The following LRRC1 variants were observed in gnomAD, a reference collection of about 807,000 sequenced individuals.
LRRC1 encodes leucine-rich repeat-containing protein 1.
LRRC1 carries 28 observed loss-of-function variants against 69.9 expected under a neutral mutation model. The observed-to-expected ratio is 0.40, with a 90% confidence interval of 0.30 to 0.55. LRRC1 has a LOEUF of 0.55. Among genes scored for constraint, LRRC1 ranks in the 20% least tolerant of loss-of-function variants. LRRC1 has a pLI of 0.47. For synonymous variants in LRRC1, 236 were observed against 240.2 expected (o/e 0.98, Z 0.16); for missense variants, 498 against 609.0 (o/e 0.82, Z 1.92).
intron 1 of LRRC1, among the ~76,000 whole-genome samples, chr6:53,837,342 C>T (rs1472707615): frequency 6.6e-6 from 1 of 151,940 alleles, no homozygotes; most frequent in Admixed American, 6.6e-5. Context: ...GTGCATCTTA[C>T]CTTGAGATTA....
rs573703371 is a variant in LRRC1, at chr6:53,822,020, T to C, written c.160-20090T>C. Among the ~76,000 whole-genome samples the C allele has an allele frequency of 5.9e-5, 9 of 152,262 alleles. No individual in the cohort carries two copies. The East Asian group carries it at 1.4e-3, about 23-fold the overall frequency. ...AGTGGTGATTTTGAAATAAAACTTA[T>C]TAAAGAAAATATAATTACTGTACTT... On this transcript the variant is annotated intron_variant, in intron 1 of 13. Coordinates refer to ENST00000370888, the MANE Select transcript of LRRC1 (RefSeq NM_018214.5).
chr6:53,797,159 A>G (rs924788495), intron 1 of LRRC1, among the ~76,000 whole-genome samples: 2 of 151,780 alleles, frequency 1.3e-5, no homozygotes, highest in African/African-American at 2.4e-5. Context: ...GGGAAATTAC[A>G]TAATTTCCCA....
At chr6:53,851,815 G>A (rs1408877936) in intron 2 of LRRC1, among the ~76,000 whole-genome samples, 1 of 152,160 alleles carries the variant, frequency 6.6e-6, no homozygotes, top group Non-Finnish European at 1.5e-5. Context: ...GTCCAAAGAG[G>A]ACAGGGTAGC....
intron 1 of LRRC1, among the ~76,000 whole-genome samples, chr6:53,800,431 T>C (rs1031732011): frequency 6.6e-6 from 1 of 151,356 alleles, no homozygotes; most frequent in Non-Finnish European, 1.5e-5. Flanking sequence ...TTTGTGTTTT[T>C]AATAGAGACG....
intron 10 of LRRC1, among the ~76,000 whole-genome samples, chr6:53,911,809 GATC>G (rs1218623017): frequency 4.6e-5 from 7 of 152,136 alleles, no homozygotes; most frequent in African/African-American, 1.7e-4. Flanking sequence ...TAATAATATT[GATC>G]ATCAAAAGGA....
At chr6:53,818,692 A>G (rs1004431621) in intron 1 of LRRC1, among the ~76,000 whole-genome samples, 1 of 152,232 alleles carries the variant, frequency 6.6e-6, no homozygotes, top group Non-Finnish European at 1.5e-5. Context: ...GGAGTTAAGT[A>G]AAAAATGCTT....
At chr6:53,920,961 G>GTT (rs201940946) in intron 13 of LRRC1, among the ~76,000 whole-genome samples, 200 bp downstream of exon 13, 4 of 147,752 alleles carry the variant, frequency 2.7e-5, no homozygotes, top group Non-Finnish European at 4.5e-5. Context: ...GAACTCATGG[G>GTT]TTTTTTTTTT....
At chr6:53,833,048 C>T (rs894833879) in intron 1 of LRRC1, among the ~76,000 whole-genome samples, 7 of 152,040 alleles carry the variant, frequency 4.6e-5, no homozygotes, top group Admixed American at 2.0e-4. Context: ...AGTTCGATAT[C>T]TTTTTTCTCT....
At chr6:53,855,172 T>C (rs1197030518) in intron 2 of LRRC1, among the ~76,000 whole-genome samples, 1 of 152,208 alleles carries the variant, frequency 6.6e-6, no homozygotes, top group Non-Finnish European at 1.5e-5. Flanking sequence ...TGTGCAGCTT[T>C]TAAAAGATAC....
At chr6:53,887,367 T>C (rs1767521503) in intron 4 of LRRC1, among the ~76,000 whole-genome samples, 1 of 152,198 alleles carries the variant, frequency 6.6e-6, no homozygotes, top group Non-Finnish European at 1.5e-5. Flanking sequence ...TTTCCAACAT[T>C]TATTTTCCTG....
At chr6:53,901,617 C>A (rs1768059051) in intron 8 of LRRC1, among the ~76,000 whole-genome samples, 1 of 151,742 alleles carries the variant, frequency 6.6e-6, no homozygotes, top group Non-Finnish European at 1.5e-5. Context: ...AGTACCTTGT[C>A]ACTAGAAGTA....
rs572397602 is a variant in LRRC1, at chr6:53,896,573, T to C, written c.503+19T>C. On this transcript the variant is annotated intron_variant, in intron 5 of 13. Coordinates refer to ENST00000370888, the MANE Select transcript of LRRC1 (RefSeq NM_018214.5). ...TTCCTGAGTGAGTCTTTGGGGAAAA[T>C]AAGAGGAGATTTTGTGCAGAATGAA... 8 of 1,593,342 alleles carry C rather than the reference T, an allele frequency of 5.0e-6. No homozygotes were observed. The highest frequency in any genetic ancestry group is 6.9e-6 in the Non-Finnish European group (8 of 1,161,574).
chr6:53,826,389 G>T (rs1765258409), intron 1 of LRRC1, among the ~76,000 whole-genome samples: 1 of 152,086 alleles, frequency 6.6e-6, no homozygotes, highest in Non-Finnish European at 1.5e-5. Flanking sequence ...ATGTCCCACT[G>T]CATCCTCCAA....
At chr6:53,898,464 ATGTT>A (rs1767942690) in intron 7 of LRRC1, among the ~76,000 whole-genome samples, 1 of 152,240 alleles carries the variant, frequency 6.6e-6, no homozygotes, top group Non-Finnish European at 1.5e-5. Context: ...AGAGGTGTGT[ATGTT>A]CAGATGTGTG....
intron 1 of LRRC1, among the ~76,000 whole-genome samples, chr6:53,798,447 C>G (rs1764365219): frequency 6.6e-6 from 1 of 152,118 alleles, no homozygotes; most frequent in Non-Finnish European, 1.5e-5. Flanking sequence ...GGCACGATCT[C>G]CACTCACTGC....
At chr6:53,844,469 G>A (rs1367836434) in intron 2 of LRRC1, among the ~76,000 whole-genome samples, 1 of 152,176 alleles carries the variant, frequency 6.6e-6, no homozygotes, top group East Asian at 1.9e-4. Context: ...TCAGCTGCCA[G>A]TTTTACCAGT....
At chr6:53,823,439 A>G (rs1562031043) in intron 1 of LRRC1, among the ~76,000 whole-genome samples, 1 of 152,146 alleles carries the variant, frequency 6.6e-6, no homozygotes, top group Non-Finnish European at 1.5e-5. Flanking sequence ...TGATTTGGTC[A>G]ATGCTTCCTT....
intron 1 of LRRC1, among the ~76,000 whole-genome samples, chr6:53,835,486 T>C (rs558459728): frequency 6.6e-6 from 1 of 152,334 alleles, no homozygotes; most frequent in African/African-American, 2.4e-5. Context: ...TCCACACCTC[T>C]ACCAAACACA....
intron 11 of LRRC1, 93 bp downstream of exon 11, chr6:53,914,062 A>C (rs1359650161): frequency 3.7e-6 from 3 of 805,892 alleles, no homozygotes; most frequent in Non-Finnish European, 6.1e-6. Context: ...TCTTTGCTTT[A>C]TCTTACAGAA....
Sources: allele counts gnomAD v4.1 joint callset (sites outside exome capture counted in the v4.1 genomes callset), GRCh38; gene constraint gnomAD v4.1.1; transcripts MANE v1.5; gene names NCBI Gene and HGNC (gene_info 2026-07-23, HGNC 2026-07-21).